FAM186A: variants seen among roughly 807,000 people sequenced by gnomAD.
FAM186A encodes protein FAM186A.
In FAM186A, 163 loss-of-function variants were observed where a neutral mutation model predicts 216.8. That is an observed-to-expected ratio of 0.75 (90% CI 0.66 to 0.86). FAM186A has a LOEUF of 0.86. Among genes scored for constraint, FAM186A ranks in the 40% least tolerant of loss-of-function variants. The pLI, the probability that FAM186A is intolerant of heterozygous loss-of-function variation, is 0.00. For missense variants in FAM186A, 2,184 were observed against 2,746.2 expected, an observed-to-expected ratio of 0.80 and a Z score of 4.58; for synonymous variants, 805 against 1,025.3, an observed-to-expected ratio of 0.79 and a Z score of 4.10.
At chr12:50,393,998 A>G (rs928179490) in intron 1 of FAM186A, among the ~76,000 whole-genome samples, 1 of 152,068 alleles carries the variant, frequency 6.6e-6, no homozygotes, top group African/African-American at 2.4e-5. Flanking sequence ...GGCTCACTGC[A>G]ACCTCTGCCT....
chr12:50,350,679 A>G lies in FAM186A; in HGVS notation c.6153T>C (p.Thr2051=). ...AAATCTGTGATGTTCTGAGTAGAGT[A>G]GTGAGAGAAGATGGTGATGTTGTTG... ...MKPTTSPSSL[T]TLLRTSQISP... Residue 2051 remains threonine (T), a synonymous_variant, in exon 4 of 8, where the codon ACT becomes ACC. Coordinates refer to ENST00000327337, the MANE Select transcript of FAM186A (RefSeq NM_001145475.3). 7 of 1,551,642 alleles carry G rather than the reference A, an allele frequency of 4.5e-6. No individual in the cohort carries two copies. Among genetic ancestry groups the G allele is most frequent in the Non-Finnish European group, 6.1e-6 (7 of 1,146,984 alleles).
At chr12:50,338,393 G>T (rs552213186) in intron 4 of FAM186A, among the ~76,000 whole-genome samples, 1 of 152,070 alleles carries the variant, frequency 6.6e-6, no homozygotes, top group Non-Finnish European at 1.5e-5. Flanking sequence ...CAGAGACGGG[G>T]TTTCACCATG....
At chr12:50,384,410 G>GC (rs1371277929) in intron 1 of FAM186A, among the ~76,000 whole-genome samples, 2 of 152,084 alleles carry the variant, frequency 1.3e-5, no homozygotes, top group Non-Finnish European at 2.9e-5. Context: ...GGGTGACAGA[G>GC]CCAGACCATG....
intron 1 of FAM186A, among the ~76,000 whole-genome samples, chr12:50,364,284 G>A (rs1565890257): frequency 6.6e-6 from 1 of 152,204 alleles, no homozygotes; most frequent in African/African-American, 2.4e-5. Context: ...GCTGGGTGCG[G>A]TGGCTCACGC....
chr12:50,370,504 AGT>A (rs1943133953), intron 1 of FAM186A, among the ~76,000 whole-genome samples: 1 of 152,110 alleles, frequency 6.6e-6, no homozygotes, highest in Admixed American at 6.6e-5. Context: ...GAAAATAACA[AGT>A]GTGGGTGAGG....
In FAM186A at chr12:50,363,158, C is replaced by A. The variant is rs947905161; in HGVS notation, c.399G>T (p.Trp133Cys). 6.5e-7 allele frequency: 1 copy of A among 1,548,338 alleles called. No individual in the cohort carries two copies. Among genetic ancestry groups the A allele is most frequent in the African/African-American group, 1.4e-5 (1 of 72,938 alleles). The change falls in exon 2 of 8, where the codon TGG becomes TGT. Residue 133 changes from tryptophan (W) to cysteine (C), a missense_variant. Around this residue, in one of 7 missense-constraint regions of FAM186A, gnomAD observed 1,132 missense variants for 1,263.4 expected, o/e 0.90. Transcript: ENST00000327337. ...REKTLANILA[W>C]LEEWNDVLSE... ...CTGTAAACTTACTCCATTCTTCCAA[C>A]CAGGCCAGAATGTTGGCAAGAGTCT...
At position 50,354,836 on chromosome 12, in the gene FAM186A, G is replaced by C; in HGVS notation, c.1996C>G (p.Gln666Glu). ...VLESPDGKSE[Q>E]SNLEEFQEAI... The stretch of plus-strand genomic sequence containing the variant: ...TCCTGAAATTCTTCGAGGTTACTCT[G>C]TTCACTTTTGCCATCTGGACTTTCT... The change falls in exon 4 of 8, where the codon CAG (glutamine) becomes GAG (glutamate). Residue 666 changes from glutamine to glutamate, a missense_variant. This residue lies in a region of FAM186A where 1,132 missense variants were observed against 1,263.4 expected (regional missense o/e 0.90). Coordinates refer to ENST00000327337, the MANE Select transcript of FAM186A (RefSeq NM_001145475.3). 1 of 1,544,476 alleles carries C rather than the reference G, an allele frequency of 6.5e-7. No individual in the cohort carries two copies. Among genetic ancestry groups the C allele is most frequent in the East Asian group, 2.4e-5 (1 of 40,894 alleles).
chr12:50,366,954 C>A (rs1005776702), intron 1 of FAM186A, among the ~76,000 whole-genome samples: 1 of 152,026 alleles, frequency 6.6e-6, no homozygotes, highest in South Asian at 2.1e-4. Context: ...GTCAAGGCTG[C>A]AGTAAGCCAT....
chr12:50,380,563 G>A (rs1483067466), intron 1 of FAM186A, among the ~76,000 whole-genome samples: 2 of 150,028 alleles, frequency 1.3e-5, no homozygotes, highest in African/African-American at 4.9e-5. Context: ...GGGCATGCTG[G>A]TGCATGCCTG....
intron 2 of FAM186A, 127 bp downstream of exon 2, chr12:50,363,018 A>G (rs1943051200): frequency 1.3e-6 from 1 of 780,388 alleles, no homozygotes. Context: ...GAGGATAACC[A>G]TTCTCTGAAT....
intron 4 of FAM186A, among the ~76,000 whole-genome samples, chr12:50,335,090 C>A (rs748964906): frequency 7.3e-5 from 11 of 151,670 alleles, no homozygotes; most frequent in Non-Finnish European, 1.3e-4. Context: ...AGTAAGACTC[C>A]GTCTCTGCAA....
chr12:50,336,488 T>C (rs1942709637), intron 4 of FAM186A, among the ~76,000 whole-genome samples: 1 of 152,050 alleles, frequency 6.6e-6, no homozygotes, highest in African/African-American at 2.4e-5. Flanking sequence ...AAAATGCAGG[T>C]TCCAAGGTCC....
chr12:50,375,549 C>CAA (rs35534756), intron 1 of FAM186A, among the ~76,000 whole-genome samples: 17 of 90,834 alleles, frequency 1.9e-4, no homozygotes, highest in African/African-American at 6.0e-4. Flanking sequence ...AGCTCTGTCT[C>CAA]AAAAAAAAAA....
Position 50,351,313 on chromosome 12 carries a change from G to A in FAM186A, c.5519C>T (p.Ala1840Val). Residue 1840 changes from alanine to valine, a missense_variant, in exon 4 of 8, where the codon GCT becomes GTT. By Grantham distance (64) the Ala-to-Val change is moderately conservative. Coordinates refer to ENST00000327337, the MANE Select transcript of FAM186A (RefSeq NM_001145475.3). The stretch of plus-strand genomic sequence containing the variant: ...CTGTCCAGAAGTGGGTGGAACTCCA[G>A]CTATAAAGGGCTGCCCTGGAGTGGG... ...APPTPGQPFIAGVPPTSGQIP... is the reference protein window; with the variant it reads ...APPTPGQPFIVGVPPTSGQIP... 3 of 1,522,886 alleles carry A rather than the reference G, an allele frequency of 2.0e-6. No individual in the cohort carries two copies. Among genetic ancestry groups the A allele is most frequent in the Non-Finnish European group, 2.6e-6 (3 of 1,135,198 alleles). 94.3% of individuals were successfully genotyped at this position (1,522,886 alleles called of 1,614,324 possible).
chr12:50,342,447 T>A (rs1942772890), intron 4 of FAM186A, among the ~76,000 whole-genome samples: 1 of 151,410 alleles, frequency 6.6e-6, no homozygotes, highest in African/African-American at 2.4e-5. Context: ...TCTCCTTTTT[T>A]ATTTTTTATT....
chr12:50,370,617 A>T (rs1943134823), intron 1 of FAM186A, among the ~76,000 whole-genome samples: 1 of 152,190 alleles, frequency 6.6e-6, no homozygotes, highest in Non-Finnish European at 1.5e-5. Flanking sequence ...TAAAAATAGT[A>T]TCACTATATG....
At chr12:50,392,966 A>G (rs1489839664) in intron 1 of FAM186A, among the ~76,000 whole-genome samples, 5 of 128,938 alleles carry the variant, frequency 3.9e-5, no homozygotes, top group Non-Finnish European at 6.4e-5. Flanking sequence ...TTGCTCTGTC[A>G]CCCAGGCTGG....
intron 1 of FAM186A, among the ~76,000 whole-genome samples, chr12:50,366,328 C>A (rs557471351): frequency 6.6e-6 from 1 of 152,122 alleles, no homozygotes; most frequent in African/African-American, 2.4e-5. Flanking sequence ...AGAAAAGATA[C>A]TACTAACTCC....
chr12:50,356,561 C>A (rs1204978103), intron 3 of FAM186A, among the ~76,000 whole-genome samples: 2 of 152,188 alleles, frequency 1.3e-5, no homozygotes, highest in Admixed American at 1.3e-4. Flanking sequence ...CCACCTCAGC[C>A]TCCCTGCCTG....
Sources: gnomAD v4.1 joint callset for allele counts (sites outside exome capture counted in the v4.1 genomes callset) on GRCh38, gnomAD v4.1.1 for gene constraint, gnomAD v4.1.1 regional missense constraint, MANE v1.5 for transcripts, NCBI Gene and HGNC (gene_info 2026-07-23, HGNC 2026-07-21) for gene names.